ERC2: variants seen among roughly 807,000 people sequenced by gnomAD.
The protein encoded by ERC2 is ERC protein 2.
A neutral mutation model predicts 114.8 loss-of-function variants in ERC2; 42 were observed. That is an observed-to-expected ratio of 0.37 (90% CI 0.29 to 0.47). ERC2 has a LOEUF of 0.47. Ranked by LOEUF, ERC2 falls within the 20% of genes least tolerant of loss-of-function variation. The pLI is 0.99. For missense variants in ERC2, 939 were observed against 1,150.7 expected, an observed-to-expected ratio of 0.82 and a Z score of 2.66; for synonymous variants, 454 against 425.5, an observed-to-expected ratio of 1.07 and a Z score of -0.82.
At chr3:55,901,187 TATC>T (rs1371458617) in intron 13 of ERC2, among the ~76,000 whole-genome samples, 1 of 152,190 alleles carries the variant, frequency 6.6e-6, no homozygotes, top group Non-Finnish European at 1.5e-5. Context: ...GAATAGTCAT[TATC>T]TGTTTTGATC....
At chr3:55,792,863 T>C (rs942707787) in intron 14 of ERC2, among the ~76,000 whole-genome samples, 1 of 152,076 alleles carries the variant, frequency 6.6e-6, no homozygotes, top group South Asian at 2.1e-4. Flanking sequence ...ATTCTGGGTG[T>C]AGAGTACAGT....
chr3:56,149,957 T>C (rs4974171), intron 4 of ERC2, among the ~76,000 whole-genome samples: 11,565 of 151,958 alleles, frequency 0.076, 583 homozygotes, highest in East Asian at 0.14. Flanking sequence ...TCTTATAGGG[T>C]AACCAAAACA....
At position 56,149,109 on chromosome 3, in the gene ERC2, T is replaced by C; in HGVS notation, c.1173A>G (p.Glu391=). 3 of 1,610,314 alleles carry C rather than the reference T, an allele frequency of 1.9e-6. No homozygotes were observed. The Admixed American group carries it at 5.0e-5, about 27-fold the overall frequency. ...EMKDTKIASL[E]RNIRDLEDEI... The stretch of plus-strand genomic sequence containing the variant: ...CATCCTCAAGATCCCTTATGTTTCG[T>C]TCCAATGAAGCGATTTTTGTGTCCT... Residue 391 remains glutamate, a synonymous_variant, in exon 5 of 18, where the codon GAA becomes GAG. Transcript: ENST00000288221.
At chr3:56,426,996 TAAA>T (rs537295354) in intron 2 of ERC2, among the ~76,000 whole-genome samples, 1,339 of 79,508 alleles carry the variant, frequency 0.017, 10 homozygotes, top group South Asian at 0.095. Context: ...ACCTCATCTC[TAAA>T]AAAAAAAAAA....
chr3:55,577,629 T>A (rs2057050177), intron 17 of ERC2, among the ~76,000 whole-genome samples: 2 of 151,928 alleles, frequency 1.3e-5, no homozygotes, highest in Non-Finnish European at 2.9e-5. Flanking sequence ...CCTAAAGACA[T>A]CCCCATAGTC....
At chr3:55,799,580 A>G (rs2070874346) in intron 14 of ERC2, among the ~76,000 whole-genome samples, 1 of 151,590 alleles carries the variant, frequency 6.6e-6, no homozygotes, top group African/African-American at 2.4e-5. Flanking sequence ...GTTCTGGTTT[A>G]GTAACAGCTG....
At chr3:55,761,743 G>T (rs2067447215) in intron 14 of ERC2, among the ~76,000 whole-genome samples, 1 of 151,864 alleles carries the variant, frequency 6.6e-6, no homozygotes, top group South Asian at 2.1e-4. Flanking sequence ...TGGTTTTGTG[G>T]CGGGCGCCTG....
chr3:56,184,356 C>G (rs755321), intron 3 of ERC2, among the ~76,000 whole-genome samples: 17,207 of 152,196 alleles, frequency 0.11, 1,537 homozygotes, highest in African/African-American at 0.24. Context: ...GAAACACCAT[C>G]CCAGGTCTCA....
chr3:56,113,505 A>G (rs988401499), intron 6 of ERC2, among the ~76,000 whole-genome samples: 1 of 152,076 alleles, frequency 6.6e-6, no homozygotes, highest in African/African-American at 2.4e-5. Context: ...CAGTGGGTAT[A>G]TGTGTGTGTG....
chr3:55,908,829 G>C (rs1330572538), intron 13 of ERC2, among the ~76,000 whole-genome samples: 1 of 152,164 alleles, frequency 6.6e-6, no homozygotes, highest in Non-Finnish European at 1.5e-5. Context: ...AGGAAGAAAA[G>C]GGTCACGTGC....
At chr3:55,968,068 CTTG>C (rs939515124) in intron 12 of ERC2, among the ~76,000 whole-genome samples, 4 of 152,160 alleles carry the variant, frequency 2.6e-5, no homozygotes, top group African/African-American at 7.2e-5. Flanking sequence ...TTCTTAATAA[CTTG>C]TTGTTTCATA....
intron 3 of ERC2, among the ~76,000 whole-genome samples, chr3:56,270,721 T>G (rs979228285): frequency 1.1e-4 from 16 of 152,240 alleles, no homozygotes; most frequent in Non-Finnish European, 2.2e-4. Context: ...GGCTTATGCC[T>G]GTAATCCCAG....
At chr3:56,315,106 C>A (rs79407696) in intron 2 of ERC2, among the ~76,000 whole-genome samples, 2 of 152,172 alleles carry the variant, frequency 1.3e-5, no homozygotes, top group Non-Finnish European at 2.9e-5. Context: ...CGGCTCCAAG[C>A]CTTTAGGAGT....
At chr3:55,786,897 T>A (rs1435933492) in intron 14 of ERC2, among the ~76,000 whole-genome samples, 1 of 152,156 alleles carries the variant, frequency 6.6e-6, no homozygotes, top group African/African-American at 2.4e-5. Flanking sequence ...AAAGGTCTAC[T>A]CAGCTAGTGC....
intron 14 of ERC2, among the ~76,000 whole-genome samples, chr3:55,810,643 A>G (rs2059685514): frequency 6.6e-6 from 1 of 152,168 alleles, no homozygotes; most frequent in Non-Finnish European, 1.5e-5. Flanking sequence ...AACTTTCAGT[A>G]GAGACAGGGT....
intron 13 of ERC2, among the ~76,000 whole-genome samples, chr3:55,945,361 T>C (rs566223769): frequency 6.6e-6 from 1 of 152,312 alleles, no homozygotes; most frequent in South Asian, 2.1e-4. Flanking sequence ...TGAACATAGA[T>C]CACATTTAAA....
intron 17 of ERC2, among the ~76,000 whole-genome samples, chr3:55,611,328 C>T (rs1193513117): frequency 6.6e-6 from 1 of 152,196 alleles, no homozygotes; most frequent in Non-Finnish European, 1.5e-5. Context: ...TTAGTTGTAT[C>T]TACACACAGG....
intron 17 of ERC2, among the ~76,000 whole-genome samples, chr3:55,541,853 T>C (rs1218417996): frequency 6.6e-6 from 1 of 152,238 alleles, no homozygotes; most frequent in South Asian, 2.1e-4. Flanking sequence ...AATGTGTTAA[T>C]ATGCCAAGTC....
At chr3:55,722,181 A>G (rs2064604971) in intron 15 of ERC2, among the ~76,000 whole-genome samples, 1 of 152,110 alleles carries the variant, frequency 6.6e-6, no homozygotes. Context: ...GTCATGTCTC[A>G]GTGGCTATAT....
Sources: gnomAD v4.1 joint callset for allele counts (sites outside exome capture counted in the v4.1 genomes callset) on GRCh38, gnomAD v4.1.1 for gene constraint, MANE v1.5 for transcripts, NCBI Gene and HGNC (gene_info 2026-07-23, HGNC 2026-07-21) for gene names.